The following RPL3L variants were observed in gnomAD, a reference collection of about 807,000 sequenced individuals.
RPL3L encodes ribosomal protein uL3-like.
In RPL3L, 44 loss-of-function variants were observed where a neutral mutation model predicts 44.5. That is an observed-to-expected ratio of 0.99 (90% CI 0.78 to 1.27). The LOEUF is 1.27. RPL3L is among the 50% of genes most tolerant of loss of function. The pLI is 0.00. For synonymous variants in RPL3L, 292 were observed against 230.7 expected (o/e 1.27, Z -2.41); for missense variants, 631 against 569.1 (o/e 1.11, Z -1.11).
intron 4 of RPL3L, among the ~76,000 whole-genome samples, chr16:1,949,248 T>TTTTG (rs1567310365): frequency 1.8e-5 from 2 of 111,100 alleles, no homozygotes; most frequent in African/African-American, 7.3e-5. Context: ...ATTTTTGTTT[T>TTTTG]TTTTTTTTTT....
intron 4 of RPL3L, among the ~76,000 whole-genome samples, chr16:1,949,278 T>TTTTTTTTTTTTTC: frequency 7.0e-6 from 1 of 142,816 alleles, no homozygotes; most frequent in African/African-American, 2.6e-5. Flanking sequence ...TTTTTTTTTT[T>TTTTTTTTTTTTTC]TTTGAGACTC....
intron 2 of RPL3L, among the ~76,000 whole-genome samples, chr16:1,953,428 C>T (rs796836230): frequency 5.9e-5 from 9 of 152,232 alleles, no homozygotes; most frequent in African/African-American, 2.2e-4. Context: ...CGATGCCGTC[C>T]AGGTTGGTCT....
At chr16:1,946,571 C>T (rs2083121568) in intron 7 of RPL3L, 54 bp downstream of exon 7, 3 of 1,572,992 alleles carry the variant, frequency 1.9e-6, no homozygotes, top group African/African-American at 1.3e-5. Flanking sequence ...TGACCCCACT[C>T]CAGCCATCAT....
At chr16:1,949,555 ATTT>A (rs563038812) in intron 4 of RPL3L, among the ~76,000 whole-genome samples, 13 of 112,020 alleles carry the variant, frequency 1.2e-4, no homozygotes, top group African/African-American at 1.1e-4. Context: ...GTCTGGCTTG[ATTT>A]TTTTTTTTTT....
intron 1 of RPL3L, among the ~76,000 whole-genome samples, 194 bp downstream of exon 1, chr16:1,954,435 T>G (rs1002909973): frequency 6.6e-6 from 1 of 152,052 alleles, no homozygotes; most frequent in Non-Finnish European, 1.5e-5. Context: ...AGGTGGCCGC[T>G]GCCATCTGTT....
At position 1,954,683 on chromosome 16, in the gene RPL3L, G is replaced by C; in HGVS notation, c.-52C>G. On this transcript the variant is annotated 5_prime_UTR_variant, in exon 1 of 10. Transcript: ENST00000268661. ...GGGGCCTCGCCGCTAGCCGCCAGAG[G>C]TCGAGTGGCAGGGCCAGGACTCACA... 2 of 1,488,672 alleles carry C rather than the reference G, an allele frequency of 1.3e-6. No homozygotes were observed. The highest frequency in any genetic ancestry group is 3.5e-4 in the Middle Eastern group (2 of 5,640). 92.2% of individuals were successfully genotyped at this position (1,488,672 alleles called of 1,614,324 possible).
chr16:1,950,731 G>A (rs1490096855), intron 4 of RPL3L, 113 bp downstream of exon 4: 18 of 1,550,098 alleles, frequency 1.2e-5, no homozygotes, highest in Non-Finnish European at 1.5e-5. Flanking sequence ...GCTCCTCTGG[G>A]TCTGTGCCGA....
chr16:1,949,972 G>T (rs1211828286), intron 4 of RPL3L, among the ~76,000 whole-genome samples: 19 of 106,320 alleles, frequency 1.8e-4, no homozygotes, highest in Admixed American at 1.9e-4. Flanking sequence ...GGCAGGTATG[G>T]ACGGGGCAGG....
intron 3 of RPL3L, among the ~76,000 whole-genome samples, chr16:1,952,200 C>T (rs1386700051): frequency 6.6e-6 from 1 of 151,782 alleles, no homozygotes; most frequent in Non-Finnish European, 1.5e-5. Flanking sequence ...AACTCCTGAC[C>T]TCAAATGAGC....
At chr16:1,953,311 C>G (rs980904460) in intron 2 of RPL3L, among the ~76,000 whole-genome samples, 2 of 152,174 alleles carry the variant, frequency 1.3e-5, no homozygotes, top group Non-Finnish European at 2.9e-5. Flanking sequence ...CCTTGACTTC[C>G]CAAGCTCAAG....
Position 1,945,609 on chromosome 16 carries a change from C to G in RPL3L, c.1057G>C (p.Val353Leu), listed in dbSNP as rs745693162. 6.2e-7 allele frequency: 1 copy of G among 1,613,764 alleles called. No individual in the cohort carries two copies. Among genetic ancestry groups the G allele is most frequent in the African/African-American group, 1.3e-5 (1 of 74,904 alleles). Residue 353 changes from valine to leucine, a missense_variant, in exon 9 of 10, where the codon GTG (valine) becomes CTG (leucine). By Grantham distance (32) the Val-to-Leu change is conservative. Transcript: ENST00000268661. ...RVITLRKSLL[V>L]HHSRQAVENI... The stretch of plus-strand genomic sequence containing the variant: ...TCCACGGCTTGGCGACTGTGATGCA[C>G]CAGGAGGGACTGGGGAATCCATGGT...
rs112668560 is a variant in RPL3L at position 1,949,902 on chromosome 16, G to A, written c.501+942C>T. On this transcript the variant is annotated intron_variant, in intron 4 of 9. Transcript: ENST00000268661. The stretch of plus-strand genomic sequence containing the variant: ...GTATGTAGGGGGCAGGTATGTAGGG[G>A]GCAGGTATGTAGGGGGCAGGTATGT... 2.9e-3 allele frequency among the ~76,000 whole-genome samples: 142 copies of A among 48,736 alleles called. 9 individuals carry two copies. Among genetic ancestry groups the A allele is most frequent in the African/African-American group, 0.01 (100 of 9,710 alleles). 32.0% of individuals were successfully genotyped at this position (48,736 alleles called of 152,430 possible).
Position 1,954,609 on chromosome 16 carries a change from C to A in RPL3L, c.3+20G>T. 6.5e-7 allele frequency: 1 copy of A among 1,549,830 alleles called. No homozygotes were observed. The highest frequency in any genetic ancestry group is 1.2e-5 in the South Asian group (1 of 82,332). ...GTTCCAGCTCCAACCCCAGCCCACC[C>A]TCACCCTGGTCCCACCAACCATGGT... is the stretch of plus-strand genomic sequence containing the variant. On this transcript the variant is annotated intron_variant, in intron 1 of 9. Transcript: ENST00000268661.
In RPL3L at chr16:1,944,139, GC is replaced by G. The variant is rs1438683154; in HGVS notation, c.*697del. 3.3e-5 allele frequency: 5 copies of G among 152,212 alleles called. No individual in the cohort carries two copies. The highest frequency in any genetic ancestry group is 1.2e-4 in the African/African-American group (5 of 41,442). 9.4% of individuals were successfully genotyped at this position (152,212 alleles called of 1,614,324 possible). A position where few individuals can be genotyped will look rare whatever the true frequency, so the allele number is the denominator to read the frequency against. On this transcript the variant is annotated 3_prime_UTR_variant, in exon 10 of 10. Coordinates refer to ENST00000268661, the MANE Select transcript of RPL3L (RefSeq NM_005061.3). The stretch of plus-strand genomic sequence containing the variant: ...ATAGTTTAAAACAAAGACAGTAACA[GC>G]CCTTTCCCAAAGCAGACCACCTCCT...
At position 1,946,056 on chromosome 16, in the gene RPL3L, T is replaced by C. The variant is rs1051024321; in HGVS notation, c.952-126A>G. The C allele has an allele frequency of 1.2e-5, 9 of 734,042 alleles. No homozygotes were observed. In the Admixed American group the frequency reaches 2.4e-4, roughly 19 times the overall value. 45.5% of individuals were successfully genotyped at this position (734,042 alleles called of 1,614,324 possible). A position where few individuals can be genotyped will look rare whatever the true frequency, so the allele number is the denominator to read the frequency against. On this transcript the variant is annotated intron_variant, in intron 7 of 9. Transcript: ENST00000268661. The stretch of plus-strand genomic sequence containing the variant: ...AGGAGCCCCGTGCCCAGCCCCCAGA[T>C]GTAGGGGTGACTATCACGCCGCCCC...
chr16:1,948,527 TTTTTA>T (rs1489205476), intron 4 of RPL3L, among the ~76,000 whole-genome samples: 1 of 151,800 alleles, frequency 6.6e-6, no homozygotes, highest in African/African-American at 2.4e-5. Context: ...CCTGGCCTGA[TTTTTA>T]TTTTTTTATA....
intron 9 of RPL3L, among the ~76,000 whole-genome samples, 164 bp from the exon 10 acceptor site, chr16:1,945,057 TAAGA>T: frequency 6.6e-6 from 1 of 151,778 alleles, no homozygotes; most frequent in East Asian, 1.9e-4. Flanking sequence ...GATAGACCCT[TAAGA>T]GTCTCTCCTG....
chr16:1,946,584 G>T, intron 7 of RPL3L, 41 bp downstream of exon 7: 1 of 1,589,270 alleles, frequency 6.3e-7, no homozygotes, highest in Non-Finnish European at 8.6e-7. Context: ...GCCATCATCA[G>T]CGGTGTGATG....
At chr16:1,952,806 G>T in intron 3 of RPL3L, 68 bp downstream of exon 3, 1 of 1,574,362 alleles carries the variant, frequency 6.4e-7, no homozygotes, top group Non-Finnish European at 8.6e-7. Context: ...GCAAGAGCTA[G>T]AGCCTCAGGC....
Sources: gnomAD v4.1 joint callset for allele counts (sites outside exome capture counted in the v4.1 genomes callset) on GRCh38, gnomAD v4.1.1 for gene constraint, MANE v1.5 for transcripts, NCBI Gene and HGNC (gene_info 2026-07-23, HGNC 2026-07-21) for gene names.